Variants in NRG4 observed in about 807,000 individuals in gnomAD.
The protein encoded by NRG4 is neuregulin 4.
NRG4 carries 10 observed loss-of-function variants against 15.0 expected under a neutral mutation model. The observed-to-expected ratio is 0.67, with a 90% confidence interval of 0.41 to 1.13. The LOEUF is 1.13. Among genes scored for constraint, NRG4 ranks in the 50% most tolerant of loss-of-function variants. The pLI is 0.00. For missense variants in NRG4, 139 were observed against 140.2 expected (o/e 0.99, Z 0.04); for synonymous variants, 41 against 50.1 (o/e 0.82, Z 0.77).
chr15:76,041,757 C>T (rs931225829), intron 4 of NRG4, among the ~76,000 whole-genome samples: 27 of 152,080 alleles, frequency 1.8e-4, no homozygotes, highest in Admixed American at 1.6e-3. Context: ...CCACTTTAAG[C>T]GTTGGACAGA....
chr15:76,056,032 T>C (rs1457422149), intron 2 of NRG4, among the ~76,000 whole-genome samples: 1 of 152,204 alleles, frequency 6.6e-6, no homozygotes, highest in Non-Finnish European at 1.5e-5. Context: ...TTACAATTAA[T>C]TTTTATTGAG....
downstream of NRG4, chr15:75,936,655 A>C (rs2030368538): frequency 6.6e-6 from 1 of 151,936 alleles, no homozygotes; most frequent in Non-Finnish European, 1.5e-5. Context: ...ACTCATTGCA[A>C]CCTCCACCTC....
At chr15:75,967,112 CAAAAAAAA>C (rs1300663699) in intron 3 of NRG4, among the ~76,000 whole-genome samples, 1 of 51,160 alleles carries the variant, frequency 2.0e-5, no homozygotes, top group Non-Finnish European at 3.9e-5. Context: ...GACTCCGTCT[CAAAAAAAA>C]AAAAAAAAAA....
downstream of NRG4, chr15:75,936,562 TA>T (rs2030356809): frequency 6.6e-6 from 1 of 152,164 alleles, no homozygotes; most frequent in Non-Finnish European, 1.5e-5. Context: ...AAGTATCACT[TA>T]ATATTTTGGT....
intron 5 of NRG4, among the ~76,000 whole-genome samples, chr15:76,022,406 A>T (rs1212250395): frequency 7.1e-6 from 1 of 140,120 alleles, no homozygotes; most frequent in Non-Finnish European, 1.5e-5. Flanking sequence ...TCACAGACAC[A>T]TATGTATGTC....
chr15:75,966,704 G>T (rs921732136), intron 3 of NRG4, among the ~76,000 whole-genome samples: 1 of 151,826 alleles, frequency 6.6e-6, no homozygotes, highest in Non-Finnish European at 1.5e-5. Flanking sequence ...GTCAAATCTG[G>T]CTTCCACCTG....
rs150098028 is a variant in NRG4, at chr15:75,985,983, A to G, written c.104+23217T>C. Among the ~76,000 whole-genome samples the G allele has an allele frequency of 1.8e-3, 269 of 152,350 alleles. 3 individuals carry two copies. Among genetic ancestry groups the G allele is most frequent in the African/African-American group, 6.0e-3 (251 of 41,584 alleles). ...GGCTACTATAAGAATACAACTTAAT[A>G]GAACAACTAGGGAAAAACTGTTGAC... On this transcript the variant is annotated intron_variant, in intron 3 of 5. Coordinates refer to ENST00000394907, the MANE Select transcript of NRG4 (RefSeq NM_138573.4).
chr15:75,945,706 CTCTT>C (rs1234655997), intron 5 of NRG4: 1 of 152,138 alleles, frequency 6.6e-6, no homozygotes, highest in Non-Finnish European at 1.5e-5. Context: ...ATAATGGCAT[CTCTT>C]TCAGGCTGAC....
chr15:75,936,030 GC>G (rs1192055229), downstream of NRG4: 4 of 152,056 alleles, frequency 2.6e-5, no homozygotes, highest in African/African-American at 7.2e-5. Context: ...CTTGTGATCC[GC>G]CCGCCTCGGC....
chr15:76,007,342 A>G (rs1167315249), intron 3 of NRG4, among the ~76,000 whole-genome samples: 1 of 152,180 alleles, frequency 6.6e-6, no homozygotes, highest in Non-Finnish European at 1.5e-5. Context: ...AGGCAATTCA[A>G]TGGAGAAAGG....
intron 4 of NRG4, among the ~76,000 whole-genome samples, chr15:76,042,636 T>C (rs754090033): frequency 6.6e-6 from 1 of 151,936 alleles, no homozygotes; most frequent in Non-Finnish European, 1.5e-5. Flanking sequence ...AACAGACTAA[T>C]AACAACTAAT....
At chr15:76,016,397 C>G (rs569278147), upstream of NRG4, among the ~76,000 whole-genome samples, 6 of 152,236 alleles carry the variant, frequency 3.9e-5, no homozygotes, top group East Asian at 1.2e-3. Flanking sequence ...TTTGTTTGCT[C>G]TTGCTCCTCT....
At chr15:76,025,599 G>A (rs753458666) in intron 5 of NRG4, among the ~76,000 whole-genome samples, 2 of 152,104 alleles carry the variant, frequency 1.3e-5, no homozygotes, top group African/African-American at 4.8e-5. Context: ...TTGAGGCTGG[G>A]CACAATGGCT....
intron 2 of NRG4, among the ~76,000 whole-genome samples, chr15:76,054,100 C>G (rs757769322): frequency 4.0e-5 from 6 of 150,440 alleles, no homozygotes; most frequent in Non-Finnish European, 5.9e-5. Flanking sequence ...GGATTTCTTT[C>G]TTTTTGAGAT....
chr15:75,946,989 G>A (rs1310022562), intron 5 of NRG4, among the ~76,000 whole-genome samples: 1 of 152,096 alleles, frequency 6.6e-6, no homozygotes, highest in Non-Finnish European at 1.5e-5. Context: ...TTTGGCTACT[G>A]TAAGTAATGC....
chr15:76,042,879 C>T (rs138579643), intron 4 of NRG4, among the ~76,000 whole-genome samples: 34 of 152,076 alleles, frequency 2.2e-4, no homozygotes, highest in Admixed American at 1.0e-3. Flanking sequence ...GCCAATAGCC[C>T]GGGTTAACAC....
chr15:75,939,928 T>TA (rs1021174655), downstream of NRG4: 1 of 152,076 alleles, frequency 6.6e-6, no homozygotes, highest in Non-Finnish European at 1.5e-5. Context: ...GACACCATAC[T>TA]TAGTGGTGAA....
At chr15:75,958,717 C>T (rs1354455710) in intron 4 of NRG4, among the ~76,000 whole-genome samples, 1 of 152,066 alleles carries the variant, frequency 6.6e-6, no homozygotes, top group African/African-American at 2.4e-5. Flanking sequence ...ATACGCTTTT[C>T]CTTCTATTAT....
chr15:76,013,096 G>C (rs1348335638), upstream of NRG4, among the ~76,000 whole-genome samples: 1 of 152,144 alleles, frequency 6.6e-6, no homozygotes, highest in East Asian at 1.9e-4. Context: ...CATTTAGATG[G>C]TTATCTTTTC....
Sources: allele counts gnomAD v4.1 joint callset (sites outside exome capture counted in the v4.1 genomes callset), GRCh38; gene constraint gnomAD v4.1.1; transcripts MANE v1.5; gene names NCBI Gene and HGNC (gene_info 2026-07-23, HGNC 2026-07-21).